EXOC4: variants seen among roughly 807,000 people sequenced by gnomAD.
EXOC4 encodes SEC8-like 1.
Under a neutral mutation model 107.2 loss-of-function variants are expected in EXOC4, and 71 were observed. The observed-to-expected ratio is 0.66, with a 90% CI of 0.55 to 0.81. EXOC4 has a LOEUF of 0.81. EXOC4 is among the 30% of genes least tolerant of loss of function. The pLI is 0.00. For synonymous variants in EXOC4, 456 were observed against 441.2 expected, an observed-to-expected ratio of 1.03 and a Z score of -0.42; for missense variants, 1,108 against 1,189.6, an observed-to-expected ratio of 0.93 and a Z score of 1.01.
At chr7:133,523,645 G>C (rs953290341) in intron 9 of EXOC4, among the ~76,000 whole-genome samples, 1 of 149,334 alleles carries the variant, frequency 6.7e-6, no homozygotes, top group African/African-American at 2.5e-5. Flanking sequence ...TCCTGTGTAC[G>C]TGTGATCTCA....
At chr7:133,973,424 G>A (rs1793748377) in intron 14 of EXOC4, among the ~76,000 whole-genome samples, 1 of 152,100 alleles carries the variant, frequency 6.6e-6, no homozygotes, top group African/African-American at 2.4e-5. Context: ...CATTATGGAG[G>A]GTAAACTAAG....
chr7:133,528,331 G>A (rs1311166706), intron 9 of EXOC4, among the ~76,000 whole-genome samples: 1 of 152,090 alleles, frequency 6.6e-6, no homozygotes, highest in African/African-American at 2.4e-5. Context: ...AGGAAATATG[G>A]GGGTCAATGA....
rs554980624 is a variant in EXOC4, at chr7:133,304,007, G to T, written c.472-1870G>T. Reference sequence around the variant, plus strand: ...TAGGTGACTTTGAAAGTTGACACTTGTCATAAAATTCTGTATTTGGAACAT... The same window carrying T: ...TAGGTGACTTTGAAAGTTGACACTTTTCATAAAATTCTGTATTTGGAACAT... On this transcript the variant is annotated intron_variant, in intron 3 of 17. Coordinates refer to ENST00000253861, the MANE Select transcript of EXOC4 (RefSeq NM_021807.4). Among the ~76,000 whole-genome samples the T allele has an allele frequency of 4.6e-5, 7 of 152,294 alleles. No homozygotes were observed. In the South Asian group the frequency reaches 1.0e-3, roughly 23 times the overall value.
chr7:133,829,149 G>A (rs984029250), intron 11 of EXOC4, among the ~76,000 whole-genome samples: 13 of 152,168 alleles, frequency 8.5e-5, no homozygotes, highest in Non-Finnish European at 1.5e-4. Flanking sequence ...AGGTAAAACT[G>A]ACCATCGCGT....
At chr7:134,027,700 C>T (rs1398874828) in intron 17 of EXOC4, among the ~76,000 whole-genome samples, 1 of 148,870 alleles carries the variant, frequency 6.7e-6, no homozygotes, top group African/African-American at 2.5e-5. Flanking sequence ...CTTTGTAGTT[C>T]TCATGGGGTT....
At chr7:133,929,879 A>G (rs1299774999) in intron 13 of EXOC4, among the ~76,000 whole-genome samples, 1 of 152,096 alleles carries the variant, frequency 6.6e-6, no homozygotes, top group East Asian at 1.9e-4. Flanking sequence ...CTATTCCAAG[A>G]GAAGAGAAAC....
chr7:133,410,942 A>G (rs1280143639), intron 7 of EXOC4, among the ~76,000 whole-genome samples: 1 of 152,172 alleles, frequency 6.6e-6, no homozygotes, highest in Non-Finnish European at 1.5e-5. Context: ...AGTGAAATGT[A>G]TTGTTTGTAA....
chr7:134,022,916 T>C (rs1278690207), intron 17 of EXOC4, among the ~76,000 whole-genome samples: 5 of 152,254 alleles, frequency 3.3e-5, no homozygotes. Context: ...TGTTCATTCC[T>C]GATCAGTGAA....
Position 133,781,543 on chromosome 7 carries a change from T to C in EXOC4, c.1515-35782T>C, listed in dbSNP as rs1230728418. Among the ~76,000 whole-genome samples, 3 of 152,358 alleles carry C rather than the reference T, an allele frequency of 2.0e-5. No homozygotes were observed. In the East Asian group the frequency reaches 5.8e-4, roughly 29 times the overall value. On this transcript the variant is annotated intron_variant, in intron 10 of 17. Coordinates refer to ENST00000253861, the MANE Select transcript of EXOC4 (RefSeq NM_021807.4). The stretch of plus-strand genomic sequence containing the variant: ...GTGCAAGAATTGGAATGGCAGTGAA[T>C]GCACAGACCCTGTACAATCCTAAAA...
chr7:133,846,078 A>C (rs759326790), intron 11 of EXOC4, among the ~76,000 whole-genome samples: 1 of 152,142 alleles, frequency 6.6e-6, no homozygotes, highest in Non-Finnish European at 1.5e-5. Flanking sequence ...CGTCACACTT[A>C]CTTTATTTTA....
At chr7:134,036,454 G>T (rs1795393089) in intron 17 of EXOC4, among the ~76,000 whole-genome samples, 1 of 152,128 alleles carries the variant, frequency 6.6e-6, no homozygotes, top group South Asian at 2.1e-4. Context: ...TGGGTGTGGT[G>T]GTGCATGCCT....
the EXOC4 span, among the ~76,000 whole-genome samples, chr7:134,085,989 C>T: frequency 6.6e-6 from 1 of 152,156 alleles, no homozygotes; most frequent in African/African-American, 2.4e-5. Context: ...ACCTTGCAAC[C>T]AGGAAGTCGT....
intron 9 of EXOC4, among the ~76,000 whole-genome samples, chr7:133,547,079 ATTG>A (rs1679243095): frequency 6.6e-6 from 1 of 152,120 alleles, no homozygotes; most frequent in Admixed American, 6.6e-5. Flanking sequence ...AAACTTTATT[ATTG>A]TTCAGTTCAT....
chr7:133,543,072 T>A (rs2150933512), intron 9 of EXOC4, among the ~76,000 whole-genome samples: 1 of 152,304 alleles, frequency 6.6e-6, no homozygotes, highest in Non-Finnish European at 1.5e-5. Context: ...TTTTTAGATT[T>A]GTCCTTGAAC....
intron 6 of EXOC4, among the ~76,000 whole-genome samples, chr7:133,367,702 T>G (rs1796278027): frequency 6.6e-6 from 1 of 152,194 alleles, no homozygotes. Context: ...TCTTTGAACT[T>G]CAGTTTCCTT....
At chr7:133,509,858 A>G (rs950149884) in intron 9 of EXOC4, among the ~76,000 whole-genome samples, 1 of 152,208 alleles carries the variant, frequency 6.6e-6, no homozygotes, top group Non-Finnish European at 1.5e-5. Context: ...AGTTCATTGT[A>G]AATTATTCCA....
intron 9 of EXOC4, among the ~76,000 whole-genome samples, chr7:133,483,386 C>T (rs1428457751): frequency 6.6e-6 from 1 of 152,198 alleles, no homozygotes; most frequent in African/African-American, 2.4e-5. Flanking sequence ...CCCTTGAGCT[C>T]TCTGGCCCAG....
intron 6 of EXOC4, among the ~76,000 whole-genome samples, chr7:133,373,453 C>T (rs986504769): frequency 2.6e-5 from 4 of 152,036 alleles, no homozygotes; most frequent in African/African-American, 9.7e-5. Flanking sequence ...TTTGTCTCAT[C>T]TGAATTACAA....
At chr7:133,816,336 A>G (rs1797368115) in intron 10 of EXOC4, among the ~76,000 whole-genome samples, 1 of 152,152 alleles carries the variant, frequency 6.6e-6, no homozygotes, top group Non-Finnish European at 1.5e-5. Context: ...ATTTAATAAT[A>G]AATTTATTTT....
Sources: gnomAD v4.1 joint callset for allele counts (sites outside exome capture counted in the v4.1 genomes callset) on GRCh38, gnomAD v4.1.1 for gene constraint, MANE v1.5 for transcripts, NCBI Gene and HGNC (gene_info 2026-07-23, HGNC 2026-07-21) for gene names.